ZNF555: variants seen among roughly 807,000 people sequenced by gnomAD.
The protein encoded by ZNF555 is zinc finger protein 555.
In ZNF555, 10 loss-of-function variants were observed where a neutral mutation model predicts 14.0. The ratio of observed to expected loss-of-function variants is 0.72; its 90% CI spans 0.44 to 1.21. ZNF555 has a LOEUF of 1.21. Ranked by LOEUF, ZNF555 falls within the 50% of genes most tolerant of loss-of-function variation. ZNF555 has a pLI of 0.00. For missense variants in ZNF555, 747 were observed against 762.0 expected (o/e 0.98, Z 0.23); for synonymous variants, 277 against 262.4 (o/e 1.06, Z -0.54).
At chr19:2,843,864 G>GT (rs765715255) in intron 1 of ZNF555, among the ~76,000 whole-genome samples, 3 of 151,150 alleles carry the variant, frequency 2.0e-5, no homozygotes, top group African/African-American at 4.9e-5. Context: ...CCTTTACTTT[G>GT]TTTTTTTGTT....
chr19:2,842,799 G>C (rs1389775749), intron 1 of ZNF555, among the ~76,000 whole-genome samples: 1 of 152,162 alleles, frequency 6.6e-6, no homozygotes, highest in Non-Finnish European at 1.5e-5. Context: ...TCCCAGCACT[G>C]TGACAGGCCG....
At chr19:2,844,219 C>T (rs1448005725) in intron 1 of ZNF555, among the ~76,000 whole-genome samples, 1 of 151,930 alleles carries the variant, frequency 6.6e-6, no homozygotes, top group Non-Finnish European at 1.5e-5. Flanking sequence ...TCTCCTGCCT[C>T]AGCCTCCTGA....
chr19:2,853,175 CA>C lies in ZNF555; in HGVS notation c.1113del (p.Lys371AsnfsTer45), dbSNP rs755908999. 1 of 1,613,858 alleles carries C rather than the reference CA, an allele frequency of 6.2e-7. No homozygotes were observed. Among genetic ancestry groups the C allele is most frequent in the Admixed American group, 1.7e-5 (1 of 60,000 alleles). ...ACACTGGAGAGAAACCCTACGAATG[CA>C]AACAGTGTGGGAAGACCTTCATTTA... ...IHTGEKPYEC[K>X]QCGKTFIYPQ... On this transcript the variant is annotated frameshift_variant, in exon 4 of 4. Transcript: ENST00000334241. LOFTEE classifies it low-confidence loss of function (END_TRUNC).
intron 1 of ZNF555, among the ~76,000 whole-genome samples, chr19:2,842,010 C>A (rs1277845934): frequency 5.9e-5 from 9 of 151,986 alleles, no homozygotes; most frequent in African/African-American, 2.2e-4. Context: ...CGCCCTGGGG[C>A]CGACGCCGCG....
Position 2,853,051 on chromosome 19 carries a change from G to A in ZNF555, c.986G>A (p.Arg329Lys), listed in dbSNP as rs781597913. ...TTCAGTTATTCTTCGGCTTTTCGAA[G>A]ACACATGATAACACACACTGGAGAG... ...EAFSYSSAFR[R>K]HMITHTGEKP... The change falls in exon 4 of 4, where the codon AGA (arginine) becomes AAA (lysine). Residue 329 changes from arginine (R) to lysine (K), a missense_variant. By Grantham distance (26) the Arg-to-Lys change is conservative (BLOSUM62 2). Transcript: ENST00000334241. 3 of 1,614,146 alleles carry A rather than the reference G, an allele frequency of 1.9e-6. No individual in the cohort carries two copies. In the South Asian group the frequency reaches 3.3e-5, roughly 18 times the overall value.
chr19:2,843,909 C>T lies in ZNF555; in HGVS notation c.3+2334C>T, dbSNP rs1272884477. Among the ~76,000 whole-genome samples the T allele has an allele frequency of 3.9e-5, 6 of 152,112 alleles. No homozygotes were observed. The East Asian group carries it at 1.2e-3, about 29-fold the overall frequency. On this transcript the variant is annotated intron_variant, in intron 1 of 3. Coordinates refer to ENST00000334241, the MANE Select transcript of ZNF555 (RefSeq NM_152791.5). ...TTTGAGACAGGGTCTCGCTCTATTG[C>T]CCAGGCTAGAATGCAGTGGTGCTGT...
intron 2 of ZNF555, among the ~76,000 whole-genome samples, chr19:2,851,118 C>T (rs1305298355): frequency 2.6e-5 from 4 of 151,558 alleles, no homozygotes; most frequent in African/African-American, 7.3e-5. Context: ...CTGCCTCAGG[C>T]GCCCAAGTAG....
In ZNF555 at chr19:2,859,007, C is replaced by T. The variant is rs1297443530; in HGVS notation, c.*5055C>T. On this transcript the variant is annotated 3_prime_UTR_variant, in exon 4 of 4. Transcript: ENST00000334241. ...CAGGACGCGTCTTACTAACGCCTCACCAGAGCGCATGCGCCCTCCTCAGGA... is the reference window on the plus strand; with the variant it reads ...CAGGACGCGTCTTACTAACGCCTCATCAGAGCGCATGCGCCCTCCTCAGGA... 6.6e-6 allele frequency: 1 copy of T among 152,386 alleles called. No individual in the cohort carries two copies. The highest frequency in any genetic ancestry group is 1.5e-5 in the Non-Finnish European group (1 of 68,140). The allele number at this position is 152,386 out of a possible 1,614,324, so 9.4% of individuals were successfully genotyped here.
At position 2,853,055 on chromosome 19, in the gene ZNF555, C is replaced by T. The variant is rs1568344821; in HGVS notation, c.990C>T (p.His330=). The T allele has an allele frequency of 6.2e-7, 1 of 1,613,872 alleles. No homozygotes were observed. The highest frequency in any genetic ancestry group is 1.3e-5 in the African/African-American group (1 of 74,862). Residue 330 remains histidine (H), a synonymous_variant, in exon 4 of 4, where the codon CAC becomes CAT. Coordinates refer to ENST00000334241, the MANE Select transcript of ZNF555 (RefSeq NM_152791.5). ...GTTATTCTTCGGCTTTTCGAAGACA[C>T]ATGATAACACACACTGGAGAGAAAC... The part of the protein sequence containing the change: ...AFSYSSAFRR[H]MITHTGEKPY...
In ZNF555 at chr19:2,852,941, C is replaced by T. The variant is rs760453734; in HGVS notation, c.876C>T (p.Ala292=). 15 of 1,614,186 alleles carry T rather than the reference C, an allele frequency of 9.3e-6. No homozygotes were observed. Among genetic ancestry groups the T allele is most frequent in the Non-Finnish European group, 1.3e-5 (15 of 1,180,030 alleles). ...ATAAATGTAAGGAATGTGCGGAAGC[C>T]TTTAGTTATTCCTCAACTTTTCGAA... is the stretch of plus-strand genomic sequence containing the variant. The part of the protein sequence containing the change: ...KPYKCKECAE[A]FSYSSTFRRH... Residue 292 remains alanine, a synonymous_variant, in exon 4 of 4, where the codon GCC becomes GCT. Transcript: ENST00000334241.
chr19:2,848,671 C>G (rs562591770), intron 1 of ZNF555, among the ~76,000 whole-genome samples: 1 of 152,236 alleles, frequency 6.6e-6, no homozygotes, highest in South Asian at 2.1e-4. Flanking sequence ...TGGTCTCAAA[C>G]TCCTGACCTC....
At position 2,848,665 on chromosome 19, in the gene ZNF555, C is replaced by T. The variant is rs59141839; in HGVS notation, c.4-1922C>T. Among the ~76,000 whole-genome samples, 831 of 152,272 alleles carry T rather than the reference C, an allele frequency of 5.5e-3. 10 individuals are homozygous for T. The highest frequency in any genetic ancestry group is 0.019 in the African/African-American group (793 of 41,546). The stretch of plus-strand genomic sequence containing the variant: ...GTTTCACCATGTTGGCCAGGCTGGT[C>T]TCAAACTCCTGACCTCAAGTGATCC... On this transcript the variant is annotated intron_variant, in intron 1 of 3. Coordinates refer to ENST00000334241, the MANE Select transcript of ZNF555 (RefSeq NM_152791.5).
rs34787983 is a variant in ZNF555 at position 2,844,093 on chromosome 19, C to CTTT, written c.3+2520_3+2522dup. The stretch of plus-strand genomic sequence containing the variant: ...CTCCCTCTTTCCTTTCTCTCTCTCT[C>CTTT]TTTTCTTTTTTTTTTTTTTTTTTTT... On this transcript the variant is annotated intron_variant, in intron 1 of 3. Coordinates refer to ENST00000334241, the MANE Select transcript of ZNF555 (RefSeq NM_152791.5). Among the ~76,000 whole-genome samples, 11 of 131,966 alleles carry CTTT rather than the reference C, an allele frequency of 8.3e-5. 1 individual carries two copies. The highest frequency in any genetic ancestry group is 2.5e-4 in the African/African-American group (9 of 35,440). The allele number at this position is 131,966 out of a possible 152,430, so 86.6% of individuals were successfully genotyped here.
chr19:2,853,069 C>T lies in ZNF555; in HGVS notation c.1004C>T (p.Thr335Ile), dbSNP rs1203083391. The change falls in exon 4 of 4, where the codon ACT becomes ATT. Residue 335 changes from threonine to isoleucine, a missense_variant. Coordinates refer to ENST00000334241, the MANE Select transcript of ZNF555 (RefSeq NM_152791.5). ...TTTCGAAGACACATGATAACACACA[C>T]TGGAGAGAAACCCTACGAATGCAAA... is the stretch of plus-strand genomic sequence containing the variant. ...SAFRRHMITH[T>I]GEKPYECKQC... The T allele has an allele frequency of 6.2e-7, 1 of 1,614,176 alleles. No individual in the cohort carries two copies. The highest frequency in any genetic ancestry group is 8.5e-7 in the Non-Finnish European group (1 of 1,180,012).
At chr19:2,847,158 T>G (rs1478582025) in intron 1 of ZNF555, 1 of 152,222 alleles carries the variant, frequency 6.6e-6, no homozygotes, top group Non-Finnish European at 1.5e-5. Flanking sequence ...ACAAATATTT[T>G]ACCATTTTCT....
intron 1 of ZNF555, among the ~76,000 whole-genome samples, chr19:2,843,109 C>T (rs185826067): frequency 6.6e-6 from 1 of 151,196 alleles, no homozygotes; most frequent in Non-Finnish European, 1.5e-5. Context: ...GTCTTACATT[C>T]CATTTGTTAA....
intron 1 of ZNF555, among the ~76,000 whole-genome samples, chr19:2,849,099 C>T (rs2087606367): frequency 6.6e-6 from 1 of 152,186 alleles, no homozygotes; most frequent in African/African-American, 2.4e-5. Flanking sequence ...GTAGGAGGGT[C>T]CTGTAGATAC....
intron 1 of ZNF555, 33 bp downstream of exon 1, chr19:2,841,608 G>A (rs1426711044): frequency 1.3e-6 from 2 of 1,503,906 alleles, no homozygotes; most frequent in South Asian, 1.2e-5. Context: ...TCCCGGTGCG[G>A]GGCAGCAGGA....
chr19:2,849,128 G>C (rs1334730268), intron 1 of ZNF555, among the ~76,000 whole-genome samples: 1 of 152,176 alleles, frequency 6.6e-6, no homozygotes, highest in Admixed American at 6.5e-5. Flanking sequence ...TCTGTGAATA[G>C]GACTGTTCTA....
Sources: allele counts gnomAD v4.1 joint callset (sites outside exome capture counted in the v4.1 genomes callset), GRCh38; gene constraint gnomAD v4.1.1; transcripts MANE v1.5; gene names NCBI Gene and HGNC (gene_info 2026-07-23, HGNC 2026-07-21).